ZNF730: variants seen among roughly 807,000 people sequenced by gnomAD.
The protein encoded by ZNF730 is zinc finger protein 730.
A neutral mutation model predicts 12.6 loss-of-function variants in ZNF730; 12 were observed. The ratio of observed to expected loss-of-function variants is 0.95; its 90% confidence interval spans 0.61 to 1.54. The LOEUF (loss-of-function observed/expected upper bound fraction) is 1.54, where lower values mean the gene tolerates loss of function less well. Among genes scored for constraint, ZNF730 ranks in the 40% most tolerant of loss-of-function variants. The pLI is 0.00. For missense variants in ZNF730, 643 were observed against 583.5 expected, an observed-to-expected ratio of 1.10 and a Z score of -1.05; for synonymous variants, 194 against 195.8, an observed-to-expected ratio of 0.99 and a Z score of 0.08.
At position 23,104,123 on chromosome 19, in the gene ZNF730, C is replaced by T. The variant is rs558225628; in HGVS notation, c.-94+28736C>T. Reference sequence around the variant, plus strand: ...CAGATCGAGACCATCCTGGCTAACACGGTGAAACCCAGACTCTACTAAAAA... The same window carrying T: ...CAGATCGAGACCATCCTGGCTAACATGGTGAAACCCAGACTCTACTAAAAA... On this transcript the variant is annotated intron_variant, in intron 1 of 2. Coordinates refer to the ZNF730 transcript ENST00000593635. 1.7e-3 allele frequency among the ~76,000 whole-genome samples: 260 copies of T among 151,996 alleles called. 5 individuals carry two copies. In the South Asian group the frequency reaches 0.018, roughly 11 times the overall value.
intron 1 of ZNF730, among the ~76,000 whole-genome samples, chr19:23,102,987 G>A (rs1462591395): frequency 6.6e-6 from 1 of 152,142 alleles, no homozygotes; most frequent in East Asian, 1.9e-4. Flanking sequence ...CAGAACACAG[G>A]TGAGATTGTG....
chr19:23,089,166 T>C (rs1024711222), intron 1 of ZNF730, among the ~76,000 whole-genome samples: 1 of 152,084 alleles, frequency 6.6e-6, no homozygotes, highest in Non-Finnish European at 1.5e-5. Context: ...CCACCGCGCC[T>C]GGCTGATTAT....
At chr19:23,130,080 G>C (rs936178200) in intron 1 of ZNF730, among the ~76,000 whole-genome samples, 3 of 151,946 alleles carry the variant, frequency 2.0e-5, no homozygotes, top group African/African-American at 7.2e-5. Flanking sequence ...GGAGGGGCCA[G>C]GGGTGGAATG....
rs568306481 is a variant in ZNF730 at position 23,140,642 on chromosome 19, C to A, written c.226+4599C>A. Among the ~76,000 whole-genome samples, 13 of 146,356 alleles carry A rather than the reference C, an allele frequency of 8.9e-5. No individual in the cohort carries two copies. In the East Asian group the frequency reaches 2.1e-3, roughly 24 times the overall value. ...AAAAAAAAGATGTAAAAACATATAA[C>A]CTAAAATTTACCATCTTAAAACTAT... is the stretch of plus-strand genomic sequence containing the variant. On this transcript the variant is annotated intron_variant, in intron 3 of 3. Transcript: ENST00000597761.
At chr19:23,084,278 T>G (rs183988332) in intron 1 of ZNF730, among the ~76,000 whole-genome samples, 33 of 152,348 alleles carry the variant, frequency 2.2e-4, no homozygotes, top group African/African-American at 7.9e-4. Flanking sequence ...TCTATGTGTT[T>G]GTTTTTATGT....
chr19:23,124,950 G>A (rs1970643513), intron 1 of ZNF730, among the ~76,000 whole-genome samples: 1 of 152,144 alleles, frequency 6.6e-6, no homozygotes, highest in Admixed American at 6.5e-5. Flanking sequence ...TCTACATGTT[G>A]TGGTAGGAAC....
intron 1 of ZNF730, among the ~76,000 whole-genome samples, chr19:23,096,794 G>GT (rs1339576865): frequency 6.6e-6 from 1 of 152,186 alleles, no homozygotes; most frequent in Non-Finnish European, 1.5e-5. Context: ...GCTGTGATGT[G>GT]TTGCTGGACT....
At chr19:23,097,321 C>T (rs1599576229) in intron 1 of ZNF730, among the ~76,000 whole-genome samples, 1 of 152,104 alleles carries the variant, frequency 6.6e-6, no homozygotes, top group Non-Finnish European at 1.5e-5. Flanking sequence ...TGACATATCT[C>T]TGTGTCCATC....
intron 1 of ZNF730, among the ~76,000 whole-genome samples, chr19:23,103,515 G>A (rs558929283): frequency 6.6e-6 from 1 of 152,064 alleles, no homozygotes; most frequent in African/African-American, 2.4e-5. Flanking sequence ...ATAACATCAA[G>A]TGTTTCAAAT....
chr19:23,094,214 TTTTC>T (rs1970207065), intron 1 of ZNF730, among the ~76,000 whole-genome samples: 1 of 152,122 alleles, frequency 6.6e-6, no homozygotes, highest in South Asian at 2.1e-4. Context: ...GCTGTTTTTT[TTTTC>T]TTTCTTTTCT....
At chr19:23,106,683 C>G (rs1393826874) in intron 1 of ZNF730, among the ~76,000 whole-genome samples, 1 of 151,022 alleles carries the variant, frequency 6.6e-6, no homozygotes, top group Admixed American at 6.6e-5. Flanking sequence ...CCCAGCTCCT[C>G]GGGAGGTTGA....
chr19:23,075,281 A>G (rs1969836001), exon 1 of ZNF730: 1 of 152,788 alleles, frequency 6.5e-6, no homozygotes, highest in South Asian at 1.9e-4. Context: ...CCTGGGAACC[A>G]CCGACCCCCG....
intron 1 of ZNF730, among the ~76,000 whole-genome samples, chr19:23,104,912 C>T (rs1317900751): frequency 2.6e-5 from 4 of 152,120 alleles, no homozygotes; most frequent in Admixed American, 1.3e-4. Flanking sequence ...AAGGATTACC[C>T]AGCTCACAGG....
intron 1 of ZNF730, chr19:23,128,091 C>G: frequency 1.2e-6 from 1 of 824,812 alleles, no homozygotes; most frequent in Non-Finnish European, 2.1e-6. Flanking sequence ...AGCCAAGTGC[C>G]TTCACCTGCT....
Position 23,135,948 on chromosome 19 carries a change from G to T in ZNF730, c.131G>T (p.Gly44Val), listed in dbSNP as rs1970825245. Residue 44 changes from glycine to valine, a missense_variant and splice_region_variant, in exon 3 of 4, where the codon GGT becomes GTT. Coordinates refer to ENST00000597761, the MANE Select transcript of ZNF730 (RefSeq NM_001277403.2). ...ATTCATGTTATTTTTCATAAAACAG[G>T]TATTGCTGTCTCAAAGCCAGACCTG... The part of the protein sequence containing the change: ...LDNYRNLVFL[G>V]IAVSKPDLIT... The T allele has an allele frequency of 1.2e-6, 2 of 1,608,148 alleles. No homozygotes were observed. Among genetic ancestry groups the T allele is most frequent in the Admixed American group, 1.7e-5 (1 of 59,464 alleles).
upstream of ZNF730, among the ~76,000 whole-genome samples, chr19:23,113,306 T>C (rs1970478099): frequency 6.6e-6 from 1 of 152,218 alleles, no homozygotes; most frequent in Non-Finnish European, 1.5e-5. Context: ...ATTATCCTCC[T>C]GGTAGTCAAA....
chr19:23,100,094 T>A (rs1970312331), intron 1 of ZNF730: 1 of 152,134 alleles, frequency 6.6e-6, no homozygotes, highest in Non-Finnish European at 1.5e-5. Context: ...ATGATATAAG[T>A]CTTCATCCTG....
chr19:23,085,829 TTTTTTTC>T (rs1282476876), intron 1 of ZNF730, among the ~76,000 whole-genome samples: 5 of 127,654 alleles, frequency 3.9e-5, no homozygotes, highest in African/African-American at 1.0e-4. Flanking sequence ...TCACCCAATT[TTTTTTTC>T]TTTTTTTTTT....
At chr19:23,079,140 T>C (rs1285536498) in intron 1 of ZNF730, among the ~76,000 whole-genome samples, 1 of 152,064 alleles carries the variant, frequency 6.6e-6, no homozygotes, top group Non-Finnish European at 1.5e-5. Flanking sequence ...TTGTCCCTGC[T>C]TTGTTTATGA....
Sources: allele counts gnomAD v4.1 joint callset (sites outside exome capture counted in the v4.1 genomes callset), GRCh38; gene constraint gnomAD v4.1.1; transcripts MANE v1.5; gene names NCBI Gene and HGNC (gene_info 2026-07-23, HGNC 2026-07-21).